Variants in STX17 observed in about 807,000 individuals in gnomAD.
STX17 encodes syntaxin 17, also known as syntaxin-17.
STX17 carries 29 observed loss-of-function variants against 35.9 expected under a neutral mutation model. The observed-to-expected ratio is 0.81, with a 90% confidence interval of 0.60 to 1.10. STX17 has a LOEUF of 1.10. Among genes scored for constraint, STX17 ranks in the 50% least tolerant of loss-of-function variants. The pLI is 0.00. For synonymous variants in STX17, 92 were observed against 118.3 expected (o/e 0.78, Z 1.44); for missense variants, 312 against 352.3 (o/e 0.89, Z 0.92).
At chr9:99,944,872 C>G (rs1406558107) in intron 3 of STX17, among the ~76,000 whole-genome samples, 2 of 151,948 alleles carry the variant, frequency 1.3e-5, no homozygotes, top group Admixed American at 6.6e-5. Flanking sequence ...AGAAATATGT[C>G]TTTCTTCATT....
intron 3 of STX17, among the ~76,000 whole-genome samples, chr9:99,940,588 C>T (rs1829334870): frequency 6.6e-6 from 1 of 151,734 alleles, no homozygotes; most frequent in Non-Finnish European, 1.5e-5. Context: ...AAGCAATTCC[C>T]CTGCCTCAGC....
intron 3 of STX17, among the ~76,000 whole-genome samples, chr9:99,941,676 T>C (rs1030451960): frequency 6.6e-6 from 1 of 152,228 alleles, no homozygotes; most frequent in Non-Finnish European, 1.5e-5. Context: ...AAATACTTTG[T>C]ACCTTTTCTG....
rs1830047180 is a variant in STX17, at chr9:99,973,175, G to C, written c.*4502G>C. On this transcript the variant is annotated 3_prime_UTR_variant, in exon 8 of 8. Coordinates refer to ENST00000259400, the MANE Select transcript of STX17 (RefSeq NM_017919.3). ...GTATCCACATTGCTACTCTCAAATA[G>C]AAATGGGAGATAAGAAATATATCTG... Among the ~76,000 whole-genome samples, 1 of 149,970 alleles carries C rather than the reference G, an allele frequency of 6.7e-6. No homozygotes were observed. The highest frequency in any genetic ancestry group is 1.5e-5 in the Non-Finnish European group (1 of 67,658).
At chr9:99,920,172 G>A (rs1315184092) in intron 2 of STX17, among the ~76,000 whole-genome samples, 1 of 152,162 alleles carries the variant, frequency 6.6e-6, no homozygotes, top group Non-Finnish European at 1.5e-5. Context: ...TCTTGTCAGT[G>A]TTTGGTTACC....
intron 2 of STX17, among the ~76,000 whole-genome samples, chr9:99,925,485 A>G (rs1248137134): frequency 6.6e-6 from 1 of 151,834 alleles, no homozygotes; most frequent in Admixed American, 6.6e-5. Context: ...TCTGTCAGGT[A>G]TCCCCTTTCT....
chr9:99,953,616 C>A (rs1829648377), intron 4 of STX17, among the ~76,000 whole-genome samples: 1 of 151,996 alleles, frequency 6.6e-6, no homozygotes, highest in Non-Finnish European at 1.5e-5. Flanking sequence ...TTTATAGTTG[C>A]ATGTGATTAA....
intron 6 of STX17, among the ~76,000 whole-genome samples, chr9:99,961,099 A>C (rs1587940840): frequency 6.6e-6 from 1 of 152,206 alleles, no homozygotes; most frequent in South Asian, 2.1e-4. Flanking sequence ...TGGGCAAGCA[A>C]GGAGGGTGAG....
At chr9:99,930,768 C>T (rs905871688) in intron 3 of STX17, among the ~76,000 whole-genome samples, 1 of 151,920 alleles carries the variant, frequency 6.6e-6, no homozygotes, top group African/African-American at 2.4e-5. Flanking sequence ...CTTGCAGTAG[C>T]CCTCTAATTA....
At position 99,931,721 on chromosome 9, in the gene STX17, C is replaced by T. The variant is rs140531643; in HGVS notation, c.189+2878C>T. Reference sequence around the variant, plus strand: ...CCCTGTTCTATTGGATGTTGGAACTCTTGGGTTGCTTGTCTGATTTTCGCT... The same window carrying T: ...CCCTGTTCTATTGGATGTTGGAACTTTTGGGTTGCTTGTCTGATTTTCGCT... On this transcript the variant is annotated intron_variant, in intron 3 of 7. Transcript: ENST00000259400. 4.7e-3 allele frequency among the ~76,000 whole-genome samples: 708 copies of T among 152,200 alleles called. 1 individual carries two copies. Among genetic ancestry groups the T allele is most frequent in the Non-Finnish European group, 7.5e-3 (513 of 68,016 alleles).
intron 4 of STX17, 58 bp downstream of exon 4, chr9:99,951,343 A>T: frequency 6.7e-7 from 1 of 1,494,718 alleles, no homozygotes; most frequent in Non-Finnish European, 9.3e-7. Context: ...ATTAAAGATC[A>T]CCTCCTTGAG....
chr9:99,936,612 G>A (rs557296595), intron 3 of STX17, among the ~76,000 whole-genome samples: 1 of 151,638 alleles, frequency 6.6e-6, no homozygotes, highest in African/African-American at 2.4e-5. Flanking sequence ...TCTTTTAGTG[G>A]TTCCTTTAGG....
chr9:99,928,457 A>G (rs1321177690), intron 2 of STX17, among the ~76,000 whole-genome samples: 1 of 152,036 alleles, frequency 6.6e-6, no homozygotes, highest in Non-Finnish European at 1.5e-5. Context: ...TTTTTATATT[A>G]TTTTACATTC....
chr9:99,969,481 C>G lies in STX17; in HGVS notation c.*808C>G, dbSNP rs1829982406. The G allele has an allele frequency of 1.3e-5, 2 of 152,094 alleles. No individual in the cohort carries two copies. The highest frequency in any genetic ancestry group is 1.3e-4 in the Admixed American group (2 of 15,276). The allele number at this position is 152,094 out of a possible 1,614,324, so 9.4% of individuals were successfully genotyped here. On this transcript the variant is annotated 3_prime_UTR_variant, in exon 8 of 8. Coordinates refer to ENST00000259400, the MANE Select transcript of STX17 (RefSeq NM_017919.3). ...CTACCCATGTATAATGAGGAATTCT[C>G]TCATAACCTTTTTTGTCTTGTCTGT...
At chr9:99,955,713 A>G (rs1038988596) in intron 4 of STX17, among the ~76,000 whole-genome samples, 2 of 152,104 alleles carry the variant, frequency 1.3e-5, no homozygotes, top group African/African-American at 4.8e-5. Context: ...CAACTAAACC[A>G]ACAATAAGGT....
At chr9:99,932,856 A>G (rs920740634) in intron 3 of STX17, among the ~76,000 whole-genome samples, 1 of 152,198 alleles carries the variant, frequency 6.6e-6, no homozygotes, top group Admixed American at 6.5e-5. Context: ...ATCAACAATT[A>G]TAACAGATTT....
At chr9:99,964,136 A>C (rs796619595) in intron 6 of STX17, among the ~76,000 whole-genome samples, 2 of 152,280 alleles carry the variant, frequency 1.3e-5, no homozygotes, top group African/African-American at 4.8e-5. Context: ...TTGGGGGTTA[A>C]TTTTTGAATG....
intron 3 of STX17, among the ~76,000 whole-genome samples, chr9:99,948,110 C>T (rs916410628): frequency 6.6e-6 from 1 of 152,106 alleles, no homozygotes; most frequent in South Asian, 2.1e-4. Flanking sequence ...ATCCTGTTCC[C>T]TCTGTTTGAT....
At position 99,967,560 on chromosome 9, in the gene STX17, C is replaced by T; in HGVS notation, c.583-93C>T. On this transcript the variant is annotated intron_variant, in intron 6 of 7. Transcript: ENST00000259400. ...CTATTAAGATGGCAAGGCTGCAGTA[C>T]CCAGGGCCCTGATTACAGGAATTAA... The T allele has an allele frequency of 5.7e-6, 6 of 1,050,776 alleles. No homozygotes were observed. In the Admixed American group the frequency reaches 9.1e-5, roughly 16 times the overall value. The allele number at this position is 1,050,776 out of a possible 1,614,324, so 65.1% of individuals were successfully genotyped here.
chr9:99,922,178 T>G (rs574747278), intron 2 of STX17, among the ~76,000 whole-genome samples: 2 of 152,192 alleles, frequency 1.3e-5, no homozygotes, highest in South Asian at 2.1e-4. Context: ...TTAACATGTT[T>G]GTTGTTTTTG....
Sources: gnomAD v4.1 joint callset for allele counts (sites outside exome capture counted in the v4.1 genomes callset) on GRCh38, gnomAD v4.1.1 for gene constraint, MANE v1.5 for transcripts, NCBI Gene and HGNC (gene_info 2026-07-23, HGNC 2026-07-21) for gene names.